The following GPM6A variants were observed in gnomAD, a reference collection of about 807,000 sequenced individuals.
GPM6A encodes the protein neuronal membrane glycoprotein M6-a.
Under a neutral mutation model 32.1 loss-of-function variants are expected in GPM6A, and 7 were observed. The ratio of observed to expected loss-of-function variants is 0.22; its 90% CI spans 0.12 to 0.41. GPM6A has a LOEUF of 0.41. GPM6A is among the 10% of genes least tolerant of loss of function. GPM6A has a pLI of 1.00. For missense variants in GPM6A, 235 were observed against 347.2 expected (o/e 0.68, Z 2.57); for synonymous variants, 130 against 123.4 (o/e 1.05, Z -0.35).
chr4:175,855,421 A>G (rs1221404801), intron 1 of GPM6A, among the ~76,000 whole-genome samples: 1 of 152,212 alleles, frequency 6.6e-6, no homozygotes, highest in African/African-American at 2.4e-5. Context: ...AAGAATGCAG[A>G]CTGTTACAAG....
At chr4:175,904,580 G>T (rs1738071133) in intron 1 of GPM6A, among the ~76,000 whole-genome samples, 1 of 152,004 alleles carries the variant, frequency 6.6e-6, no homozygotes, top group South Asian at 2.1e-4. Flanking sequence ...ACCACCACTT[G>T]GCACTCAACA....
intron 1 of GPM6A, among the ~76,000 whole-genome samples, chr4:175,824,002 C>T (rs1424784038): frequency 6.6e-6 from 1 of 152,158 alleles, no homozygotes; most frequent in African/African-American, 2.4e-5. Context: ...GTGAGTTAGG[C>T]ATCTGAAATC....
At chr4:175,976,328 A>ATTTTTTTTTTTTTTTTTTTTTTTTTTTTT (rs34163669) in intron 1 of GPM6A, among the ~76,000 whole-genome samples, 6 of 137,350 alleles carry the variant, frequency 4.4e-5, no homozygotes, top group African/African-American at 1.2e-4. Context: ...CGCCTGGCTA[A>ATTTTTTTTTTTTTTTTTTTTTTTTTTTTT]TTTTTTTTTT....
chr4:175,880,974 A>G (rs1323793795), intron 1 of GPM6A, among the ~76,000 whole-genome samples: 1 of 152,116 alleles, frequency 6.6e-6, no homozygotes, highest in Non-Finnish European at 1.5e-5. Flanking sequence ...AGTGGCAACG[A>G]AAGCCAAAAC....
intron 1 of GPM6A, among the ~76,000 whole-genome samples, chr4:175,970,712 G>A (rs1740475158): frequency 6.6e-6 from 1 of 152,174 alleles, no homozygotes; most frequent in African/African-American, 2.4e-5. Context: ...TATCTTCGAA[G>A]CCACAACAAA....
rs1553990619 is a variant in GPM6A, at chr4:175,799,671, C to CTTTTTTTCTTT, written c.37+12519_37+12520insAAAGAAAAAAA. 7.4e-5 allele frequency among the ~76,000 whole-genome samples: 9 copies of CTTTTTTTCTTT among 122,090 alleles called. 1 individual carries two copies. The highest frequency in any genetic ancestry group is 2.8e-4 in the South Asian group (1 of 3,630). 80.1% of individuals were successfully genotyped at this position (122,090 alleles called of 152,430 possible). A position where few individuals can be genotyped will look rare whatever the true frequency, so the allele number is the denominator to read the frequency against. ...TCACCCTAAAAGTAGCAAGTGTTTT[C>CTTTTTTTCTTT]TTTTTTTTTTTTTTGAGACGGAGTC... On this transcript the variant is annotated intron_variant, in intron 1 of 6. Transcript: ENST00000393658.
intron 1 of GPM6A, among the ~76,000 whole-genome samples, chr4:175,939,471 A>T (rs759855838): frequency 1.3e-5 from 2 of 152,214 alleles, no homozygotes; most frequent in Non-Finnish European, 2.9e-5. Flanking sequence ...GCTGATTTAC[A>T]TTTGCTGCCA....
intron 1 of GPM6A, among the ~76,000 whole-genome samples, chr4:175,756,072 G>C (rs1421726561): frequency 6.6e-6 from 1 of 152,128 alleles, no homozygotes; most frequent in South Asian, 2.1e-4. Context: ...TAGGAGCTAA[G>C]GTCTGATGTG....
At chr4:175,894,473 G>A (rs958926459) in intron 1 of GPM6A, among the ~76,000 whole-genome samples, 19 of 152,084 alleles carry the variant, frequency 1.2e-4, no homozygotes, top group Admixed American at 3.3e-4. Context: ...TGAGGAAATA[G>A]CTGCTCCATT....
rs532442801 is a variant in GPM6A, at chr4:175,660,361, G to A, written c.388-8374C>T. 8.6e-5 allele frequency among the ~76,000 whole-genome samples: 13 copies of A among 151,912 alleles called. 1 individual carries two copies. The highest frequency in any genetic ancestry group is 3.1e-4 in the African/African-American group (13 of 41,422). On this transcript the variant is annotated intron_variant, in intron 3 of 6. Transcript: ENST00000393658. ...ATTGTGCCATTGTACTCCAGCCTGGGTGAGAGAGCAAGACTCCATCTCAAA... is the reference window on the plus strand; with the variant it reads ...ATTGTGCCATTGTACTCCAGCCTGGATGAGAGAGCAAGACTCCATCTCAAA...
intron 1 of GPM6A, among the ~76,000 whole-genome samples, chr4:175,791,099 T>C (rs1439056033): frequency 1.3e-5 from 2 of 152,146 alleles, no homozygotes; most frequent in Non-Finnish European, 2.9e-5. Flanking sequence ...TCCATTTTTT[T>C]CACAATTTAT....
intron 1 of GPM6A, among the ~76,000 whole-genome samples, chr4:175,792,344 G>GT (rs1178235874): frequency 6.6e-5 from 10 of 152,060 alleles, no homozygotes; most frequent in Admixed American, 6.6e-4. Context: ...TTATTCTAAA[G>GT]TTTTACAGTG....
chr4:175,761,085 A>G (rs1440744640), intron 1 of GPM6A, among the ~76,000 whole-genome samples: 1 of 91,532 alleles, frequency 1.1e-5, no homozygotes, highest in East Asian at 3.1e-4. Context: ...AAGCAATGAC[A>G]CAGTCTCAGA....
chr4:175,931,440 T>C (rs948287506), intron 1 of GPM6A, among the ~76,000 whole-genome samples: 17 of 152,090 alleles, frequency 1.1e-4, no homozygotes, highest in Non-Finnish European at 2.5e-4. Flanking sequence ...CTAAATATAT[T>C]ATAGATGATA....
chr4:175,722,818 C>T (rs1325610288), intron 1 of GPM6A, among the ~76,000 whole-genome samples: 2 of 151,620 alleles, frequency 1.3e-5, no homozygotes, highest in South Asian at 2.1e-4. Flanking sequence ...CTAAGGCGGG[C>T]GAATCGCTTG....
At chr4:175,981,894 G>GT (rs1003474762) in intron 1 of GPM6A, among the ~76,000 whole-genome samples, 18 of 151,800 alleles carry the variant, frequency 1.2e-4, no homozygotes, top group East Asian at 1.9e-4. Context: ...GTATTGTCAG[G>GT]TTTTTTTGGT....
intron 2 of GPM6A, among the ~76,000 whole-genome samples, chr4:175,676,519 T>A (rs539234883): frequency 7.9e-5 from 12 of 152,082 alleles, no homozygotes; most frequent in South Asian, 2.1e-4. Context: ...GAGGCTGAGG[T>A]GAGAGGATCA....
At chr4:175,917,750 A>G (rs1738539778) in intron 1 of GPM6A, among the ~76,000 whole-genome samples, 1 of 152,194 alleles carries the variant, frequency 6.6e-6, no homozygotes. Flanking sequence ...ACATAAAAAG[A>G]CAATGGAAAA....
At chr4:175,795,311 C>T (rs1488464716) in intron 1 of GPM6A, among the ~76,000 whole-genome samples, 2 of 152,146 alleles carry the variant, frequency 1.3e-5, no homozygotes, top group Admixed American at 6.5e-5. Context: ...GCAGCCTCTT[C>T]GAAGGCACTC....
Sources: allele counts gnomAD v4.1 joint callset (sites outside exome capture counted in the v4.1 genomes callset), GRCh38; gene constraint gnomAD v4.1.1; transcripts MANE v1.5; gene names NCBI Gene and HGNC (gene_info 2026-07-23, HGNC 2026-07-21).